Variants in EYA2 observed in about 807,000 individuals in gnomAD.
EYA2 encodes the protein protein phosphatase EYA2.
Under a neutral mutation model 69.2 loss-of-function variants are expected in EYA2, and 31 were observed. The ratio of observed to expected loss-of-function variants is 0.45; its 90% CI spans 0.34 to 0.60. EYA2 has a LOEUF of 0.60. EYA2 is among the 20% of genes least tolerant of loss of function. The pLI is 0.02. For missense variants in EYA2, 622 were observed against 701.2 expected, an observed-to-expected ratio of 0.89 and a Z score of 1.28; for synonymous variants, 257 against 279.4, an observed-to-expected ratio of 0.92 and a Z score of 0.80.
chr20:47,006,996 C>A (rs553192765), intron 4 of EYA2, among the ~76,000 whole-genome samples: 1 of 152,210 alleles, frequency 6.6e-6, no homozygotes, highest in Admixed American at 6.5e-5. Flanking sequence ...GTGGCACCAT[C>A]GCAGCTCACC....
chr20:47,164,439 C>T (rs535468024), intron 10 of EYA2, among the ~76,000 whole-genome samples: 3 of 152,162 alleles, frequency 2.0e-5, no homozygotes, highest in Non-Finnish European at 4.4e-5. Flanking sequence ...CCCGGGTGAC[C>T]CCAGGAGTGG....
At chr20:46,917,571 G>A (rs1386032888) in intron 1 of EYA2, among the ~76,000 whole-genome samples, 4 of 152,228 alleles carry the variant, frequency 2.6e-5, no homozygotes, top group Non-Finnish European at 4.4e-5. Flanking sequence ...ATTCCTTGGA[G>A]ATGCTGCGGG....
chr20:46,950,885 C>T (rs1345550713), intron 1 of EYA2, among the ~76,000 whole-genome samples: 2 of 152,110 alleles, frequency 1.3e-5, no homozygotes, highest in South Asian at 2.1e-4. Flanking sequence ...AGGCATGAAG[C>T]GAAGGAAAGT....
rs980020423 is a variant in EYA2, at chr20:47,163,223, G to T, written c.979-5916G>T. ...TTTTTGTATTTTTAATAGAGACAGG[G>T]TTTCACTATGTTGGCCAGGCTGGTC... is the stretch of plus-strand genomic sequence containing the variant. On this transcript the variant is annotated intron_variant, in intron 10 of 15. Coordinates refer to ENST00000327619, the MANE Select transcript of EYA2 (RefSeq NM_005244.5). 2.0e-5 allele frequency among the ~76,000 whole-genome samples: 3 copies of T among 151,918 alleles called. No homozygotes were observed. The East Asian group carries it at 5.8e-4, about 30-fold the overall frequency.
chr20:46,959,820 C>T (rs1307217578), intron 1 of EYA2, among the ~76,000 whole-genome samples: 1 of 151,990 alleles, frequency 6.6e-6, no homozygotes, highest in East Asian at 1.9e-4. Context: ...CCAAGCATCC[C>T]TGTCATTGTC....
chr20:46,896,342 C>T (rs1009589930), intron 1 of EYA2, among the ~76,000 whole-genome samples: 2 of 151,958 alleles, frequency 1.3e-5, no homozygotes, highest in East Asian at 3.9e-4. Flanking sequence ...AACTAGTAAG[C>T]ACCTTACCAG....
chr20:46,953,128 C>G (rs533750103), intron 1 of EYA2, among the ~76,000 whole-genome samples: 4 of 152,292 alleles, frequency 2.6e-5, no homozygotes, highest in African/African-American at 9.6e-5. Flanking sequence ...AAGGGAGATA[C>G]TTGAGTTGTG....
chr20:47,187,975 CAT>C lies in EYA2; in HGVS notation c.1537-77_1537-76del, dbSNP rs1270285035. On this transcript the variant is annotated intron_variant, in intron 15 of 15. Coordinates refer to ENST00000327619, the MANE Select transcript of EYA2 (RefSeq NM_005244.5). ...TAGACTTAACTGGGTTGACTTCTCA[CAT>C]GCCCTCTAACCACAGGCGTGGAACC... The C allele has an allele frequency of 2.1e-6, 3 of 1,455,390 alleles. No individual in the cohort carries two copies. The East Asian group carries it at 7.4e-5, about 36-fold the overall frequency. The allele number at this position is 1,455,390 out of a possible 1,614,324, so 90.2% of individuals were successfully genotyped here. A position where few individuals can be genotyped will look rare whatever the true frequency, so the allele number is the denominator to read the frequency against.
At chr20:46,949,296 G>T (rs1343695439) in intron 1 of EYA2, among the ~76,000 whole-genome samples, 1 of 152,220 alleles carries the variant, frequency 6.6e-6, no homozygotes, top group African/African-American at 2.4e-5. Context: ...CCTTTTATGG[G>T]AAAATCTGAA....
chr20:47,112,035 G>A (rs774415055), intron 9 of EYA2, among the ~76,000 whole-genome samples: 8 of 151,990 alleles, frequency 5.3e-5, no homozygotes, highest in Non-Finnish European at 7.4e-5. Context: ...TAGCTACTCC[G>A]GAGGCTGAGG....
chr20:46,948,051 A>G (rs973385869), intron 1 of EYA2, among the ~76,000 whole-genome samples: 1 of 149,536 alleles, frequency 6.7e-6, no homozygotes, highest in African/African-American at 2.5e-5. Context: ...CAGGAGGTCA[A>G]GGCCATGGTG....
chr20:47,168,840 C>T (rs2034259644), intron 10 of EYA2, among the ~76,000 whole-genome samples: 1 of 152,148 alleles, frequency 6.6e-6, no homozygotes, highest in African/African-American at 2.4e-5. Flanking sequence ...ACCTATCCCC[C>T]TAGTATAATA....
intron 9 of EYA2, among the ~76,000 whole-genome samples, chr20:47,114,151 C>G (rs1433197822): frequency 6.6e-6 from 1 of 152,240 alleles, no homozygotes; most frequent in African/African-American, 2.4e-5. Context: ...ACACCATCCT[C>G]TCATCCCTGG....
At chr20:47,164,233 C>A (rs1600760069) in intron 10 of EYA2, among the ~76,000 whole-genome samples, 1 of 152,152 alleles carries the variant, frequency 6.6e-6, no homozygotes, top group East Asian at 1.9e-4. Flanking sequence ...TAACTTGATC[C>A]AGGTCAGCTG....
chr20:47,018,385 C>G (rs1051058406), intron 5 of EYA2, among the ~76,000 whole-genome samples: 1 of 152,224 alleles, frequency 6.6e-6, no homozygotes, highest in Non-Finnish European at 1.5e-5. Flanking sequence ...CAGCAGCACA[C>G]AAAGACAATC....
At chr20:46,904,248 T>C (rs1259721391) in intron 1 of EYA2, among the ~76,000 whole-genome samples, 1 of 152,148 alleles carries the variant, frequency 6.6e-6, no homozygotes, top group Non-Finnish European at 1.5e-5. Flanking sequence ...GCAGGGTGTT[T>C]GGCACATAGT....
At chr20:47,162,667 T>C (rs2034093608) in intron 10 of EYA2, among the ~76,000 whole-genome samples, 1 of 151,806 alleles carries the variant, frequency 6.6e-6, no homozygotes, top group Non-Finnish European at 1.5e-5. Flanking sequence ...TGTAGGTACA[T>C]GTCGCTACAC....
At chr20:47,073,304 T>C (rs1177943388) in intron 6 of EYA2, among the ~76,000 whole-genome samples, 1 of 152,140 alleles carries the variant, frequency 6.6e-6, no homozygotes, top group African/African-American at 2.4e-5. Flanking sequence ...AAACAAAGCT[T>C]GATCAAAGGT....
intron 5 of EYA2, among the ~76,000 whole-genome samples, chr20:47,060,057 G>C (rs984654202): frequency 3.3e-5 from 5 of 152,174 alleles, no homozygotes; most frequent in African/African-American, 1.2e-4. Flanking sequence ...TAAAACTCAG[G>C]AGATTTTACA....
Sources: gnomAD v4.1 joint callset for allele counts (sites outside exome capture counted in the v4.1 genomes callset) on GRCh38, gnomAD v4.1.1 for gene constraint, MANE v1.5 for transcripts, NCBI Gene and HGNC (gene_info 2026-07-23, HGNC 2026-07-21) for gene names.